Variants in EPHA7 observed in about 807,000 individuals in gnomAD.
EPHA7 encodes the protein EPH receptor A7.
In EPHA7, 25 loss-of-function variants were observed where a neutral mutation model predicts 112.6. The ratio of observed to expected loss-of-function variants is 0.22; its 90% confidence interval spans 0.16 to 0.31. The LOEUF (loss-of-function observed/expected upper bound fraction) is 0.31, where lower values mean the gene tolerates loss of function less well. Among genes scored for constraint, EPHA7 ranks in the 10% least tolerant of loss-of-function variants. EPHA7 has a pLI of 1.00. For synonymous variants in EPHA7, 437 were observed against 406.5 expected, an observed-to-expected ratio of 1.07 and a Z score of -0.90; for missense variants, 962 against 1,212.6, an observed-to-expected ratio of 0.79 and a Z score of 3.07.
At chr6:93,298,084 T>A (rs1772766828) in intron 5 of EPHA7, among the ~76,000 whole-genome samples, 1 of 152,068 alleles carries the variant, frequency 6.6e-6, no homozygotes, top group South Asian at 2.1e-4. Flanking sequence ...AATGCCATAT[T>A]AGCCACAAAA....
At chr6:93,371,612 G>C (rs1776802040) in intron 3 of EPHA7, among the ~76,000 whole-genome samples, 1 of 152,054 alleles carries the variant, frequency 6.6e-6, no homozygotes, top group African/African-American at 2.4e-5. Flanking sequence ...GTGAAGTACT[G>C]TTTTCTCATA....
intron 3 of EPHA7, among the ~76,000 whole-genome samples, chr6:93,378,480 C>T (rs755708058): frequency 1.4e-4 from 22 of 151,954 alleles, no homozygotes; most frequent in Admixed American, 5.2e-4. Context: ...ATTAGTTTAG[C>T]GGGAACTGGA....
At chr6:93,312,332 C>T (rs563181404) in intron 5 of EPHA7, among the ~76,000 whole-genome samples, 1 of 152,180 alleles carries the variant, frequency 6.6e-6, no homozygotes, top group East Asian at 1.9e-4. Context: ...TTAGCTAGAC[C>T]TTTTAGATAG....
intron 5 of EPHA7, among the ~76,000 whole-genome samples, chr6:93,343,133 TTTTAA>T (rs1235540786): frequency 1.3e-5 from 2 of 151,760 alleles, no homozygotes; most frequent in Non-Finnish European, 2.9e-5. Context: ...ACTTTATACT[TTTTAA>T]TTTAAACTTG....
At chr6:93,418,731 G>C (rs1779372335) in intron 1 of EPHA7, among the ~76,000 whole-genome samples, 1 of 152,206 alleles carries the variant, frequency 6.6e-6, no homozygotes, top group South Asian at 2.1e-4. Context: ...AGTAACCCGA[G>C]CTTTCCGAGC....
At chr6:93,271,349 C>A (rs1371206651) in intron 6 of EPHA7, among the ~76,000 whole-genome samples, 1 of 151,824 alleles carries the variant, frequency 6.6e-6, no homozygotes, top group Non-Finnish European at 1.5e-5. Flanking sequence ...CATGTCCATT[C>A]ATCCCCAAAG....
chr6:93,406,364 AAAG>A (rs1778721529), intron 3 of EPHA7, among the ~76,000 whole-genome samples: 1 of 151,840 alleles, frequency 6.6e-6, no homozygotes, highest in African/African-American at 2.4e-5. Context: ...TTCAAAGCAA[AAAG>A]AAGCAGTGTT....
chr6:93,316,231 A>C (rs1404092254), intron 5 of EPHA7, among the ~76,000 whole-genome samples: 1 of 152,174 alleles, frequency 6.6e-6, no homozygotes, highest in Non-Finnish European at 1.5e-5. Flanking sequence ...AAACCTTCAT[A>C]TTTAACAATG....
At chr6:93,339,521 C>G (rs1445724801) in intron 5 of EPHA7, among the ~76,000 whole-genome samples, 2 of 151,610 alleles carry the variant, frequency 1.3e-5, no homozygotes, top group African/African-American at 2.4e-5. Context: ...TCATGTAATA[C>G]TGAGATTAAC....
At chr6:93,378,349 T>C (rs562326935) in intron 3 of EPHA7, among the ~76,000 whole-genome samples, 8 of 152,162 alleles carry the variant, frequency 5.3e-5, no homozygotes, top group Non-Finnish European at 1.2e-4. Context: ...AAGACTTGCA[T>C]TTGGAAAGAT....
intron 5 of EPHA7, among the ~76,000 whole-genome samples, chr6:93,349,314 C>A (rs1582569474): frequency 6.6e-6 from 1 of 151,824 alleles, no homozygotes; most frequent in African/African-American, 2.4e-5. Flanking sequence ...TAAAGTTACT[C>A]CTTGTTTAAG....
At chr6:93,390,767 C>T (rs1364759089) in intron 3 of EPHA7, among the ~76,000 whole-genome samples, 1 of 151,756 alleles carries the variant, frequency 6.6e-6, no homozygotes, top group Non-Finnish European at 1.5e-5. Flanking sequence ...AAATGCATTG[C>T]TGGATTGTTA....
At chr6:93,270,138 C>T (rs934983848) in intron 6 of EPHA7, among the ~76,000 whole-genome samples, 5 of 151,500 alleles carry the variant, frequency 3.3e-5, no homozygotes. Flanking sequence ...TACTGACATA[C>T]CAATTTTTTT....
intron 5 of EPHA7, among the ~76,000 whole-genome samples, chr6:93,322,177 A>G (rs1223679666): frequency 6.6e-6 from 1 of 151,856 alleles, no homozygotes; most frequent in Non-Finnish European, 1.5e-5. Context: ...ATATATACAG[A>G]TGCATAAAAT....
intron 3 of EPHA7, among the ~76,000 whole-genome samples, chr6:93,377,438 A>G (rs573955257): frequency 6.6e-6 from 1 of 152,256 alleles, no homozygotes; most frequent in South Asian, 2.1e-4. Flanking sequence ...TTCATTAGAA[A>G]AGTTAGTTTC....
chr6:93,274,341 T>C (rs560392090), intron 5 of EPHA7, among the ~76,000 whole-genome samples: 1 of 152,038 alleles, frequency 6.6e-6, no homozygotes, highest in East Asian at 1.9e-4. Context: ...TCTACCCTAT[T>C]TAGTTTCTGA....
chr6:93,258,177 C>T lies in EPHA7; in HGVS notation c.2032G>A (p.Asp678Asn), dbSNP rs1256527658. 5.0e-6 allele frequency: 8 copies of T among 1,613,362 alleles called. No individual in the cohort carries two copies. Among genetic ancestry groups the T allele is most frequent in the Non-Finnish European group, 6.8e-6 (8 of 1,179,662 alleles). The change falls in exon 11 of 17, where the codon GAC (aspartate) becomes AAC (asparagine). Residue 678 changes from aspartate (D) to asparagine (N), a missense_variant. By Grantham distance (23) the Asp-to-Asn change is conservative (BLOSUM62 1). This residue lies in a region of EPHA7 where 746 missense variants were observed against 889.2 expected (regional missense o/e 0.84). Coordinates refer to ENST00000369303, the MANE Select transcript of EPHA7 (RefSeq NM_004440.4). ...KVGYTEKQRRDFLCEASIMGQ... is the reference protein window; with the variant it reads ...KVGYTEKQRRNFLCEASIMGQ... Reference sequence around the variant, plus strand: ...ATGATGCTTGCTTCACACAAAAAGTCTCTCCTTTGTTTTTCTGTGTAACCA... The same window carrying T: ...ATGATGCTTGCTTCACACAAAAAGTTTCTCCTTTGTTTTTCTGTGTAACCA...
At chr6:93,269,824 G>GAA (rs1463793177) in intron 6 of EPHA7, among the ~76,000 whole-genome samples, 164 bp from the exon 7 acceptor site, 1 of 151,714 alleles carries the variant, frequency 6.6e-6, no homozygotes, top group Non-Finnish European at 1.5e-5. Flanking sequence ...AATATAAAAT[G>GAA]AAAATGTGAA....
intron 2 of EPHA7, among the ~76,000 whole-genome samples, chr6:93,413,508 T>C (rs1485125224): frequency 1.3e-5 from 2 of 151,918 alleles, no homozygotes; most frequent in African/African-American, 2.4e-5. Context: ...AGGTGTTTCA[T>C]TTTTTATCAT....
Sources: gnomAD v4.1 joint callset for allele counts (sites outside exome capture counted in the v4.1 genomes callset) on GRCh38, gnomAD v4.1.1 for gene constraint, gnomAD v4.1.1 regional missense constraint, MANE v1.5 for transcripts, NCBI Gene and HGNC (gene_info 2026-07-23, HGNC 2026-07-21) for gene names.